ABCF3: variants seen among roughly 807,000 people sequenced by gnomAD.
ABCF3 encodes the protein ATP binding cassette subfamily F member 3.
ABCF3 carries 62 observed loss-of-function variants against 94.3 expected under a neutral mutation model. The ratio of observed to expected loss-of-function variants is 0.66; its 90% CI spans 0.54 to 0.81. ABCF3 has a LOEUF of 0.81. Ranked by LOEUF, ABCF3 falls within the 40% of genes least tolerant of loss-of-function variation. ABCF3 has a pLI of 0.00. For missense variants in ABCF3, 843 were observed against 925.3 expected (o/e 0.91, Z 1.15); for synonymous variants, 355 against 361.1 (o/e 0.98, Z 0.19).
chr3:184,187,532 A>T (rs1055312927), intron 4 of ABCF3, 89 bp downstream of exon 4: 6 of 1,544,202 alleles, frequency 3.9e-6, no homozygotes, highest in Non-Finnish European at 5.4e-6. Context: ...GGGATTTCTG[A>T]CTATGTCTTT....
intron 4 of ABCF3, 34 bp from the exon 5 acceptor site, chr3:184,187,630 C>A: frequency 6.2e-7 from 1 of 1,612,160 alleles, no homozygotes; most frequent in East Asian, 2.2e-5. Context: ...TGAGCCTACA[C>A]CCGAGAGTGA....
At chr3:184,186,356 G>T in intron 1 of ABCF3, 76 bp downstream of exon 1, 1 of 1,603,594 alleles carries the variant, frequency 6.2e-7, no homozygotes, top group Non-Finnish European at 8.5e-7. Context: ...CGTCGTGCCC[G>T]GGACTGTTGC....
At chr3:184,188,485 T>C in intron 7 of ABCF3, 78 bp downstream of exon 7, 1 of 1,526,322 alleles carries the variant, frequency 6.6e-7, no homozygotes, top group Non-Finnish European at 8.8e-7. Context: ...CAATCCATAA[T>C]TTGCATGTAC....
chr3:184,192,454 C>T lies in ABCF3; in HGVS notation c.1570-147C>T, dbSNP rs180727734. The T allele has an allele frequency of 1.5e-4, 117 of 759,000 alleles. No individual in the cohort carries two copies. In the African/African-American group the frequency reaches 1.8e-3, roughly 12 times the overall value. The allele number at this position is 759,000 out of a possible 1,614,324, so 47.0% of individuals were successfully genotyped here. ...GAACCCCTCTCTCAATTCCCCTCCT[C>T]CCCCCTTATCCTTCCCAGCCTCTAG... On this transcript the variant is annotated intron_variant, in intron 16 of 20. Coordinates refer to ENST00000429586, the MANE Select transcript of ABCF3 (RefSeq NM_018358.3).
chr3:184,189,260 ATCT>A lies in ABCF3; in HGVS notation c.1044_1046del (p.Leu351del), dbSNP rs1560134321. On this transcript the variant is annotated inframe_deletion, in exon 11 of 21. Transcript: ENST00000429586. The stretch of plus-strand genomic sequence containing the variant: ...CCATGTATTGTTTTTCATAGGCCAG[ATCT>A]TCTGCTGTTAGATGGTGAGTTTGAA... 1.2e-6 allele frequency: 2 copies of A among 1,614,102 alleles called. No individual in the cohort carries two copies. The highest frequency in any genetic ancestry group is 8.5e-7 in the Non-Finnish European group (1 of 1,180,018).
rs751740928 is a variant in ABCF3, at chr3:184,187,963, T to C, written c.549T>C (p.Phe183=). 4.3e-6 allele frequency: 7 copies of C among 1,614,020 alleles called. No homozygotes were observed. Among genetic ancestry groups the C allele is most frequent in the South Asian group, 2.2e-5 (2 of 91,086 alleles). ...CCTATGATGTGCGAATTGAGAACTT[T>C]GATGTGTCTTTTGGCGATAGGTGAG... ...NKSYDVRIEN[F]DVSFGDRVLL... is the part of the protein sequence containing the mutation. The change falls in exon 6 of 21, where the codon TTT becomes TTC. Residue 183 remains phenylalanine, a synonymous_variant. Transcript: ENST00000429586.
intron 7 of ABCF3, 174 bp downstream of exon 7, chr3:184,188,581 GTTC>G (rs1715801204): frequency 9.4e-7 from 1 of 1,061,522 alleles, no homozygotes; most frequent in Non-Finnish European, 1.3e-6. Context: ...GCCCTTTCTT[GTTC>G]TTTCCACAGT....
chr3:184,192,048 A>T (rs1332689926), intron 16 of ABCF3, among the ~76,000 whole-genome samples: 2 of 152,084 alleles, frequency 1.3e-5, no homozygotes, highest in African/African-American at 4.8e-5. Context: ...GCCCGGCTAG[A>T]GTCCTTAAAA....
At position 184,192,918 on chromosome 3, in the gene ABCF3, G is replaced by C. The variant is rs748003296; in HGVS notation, c.1750+22G>C. On this transcript the variant is annotated intron_variant, in intron 18 of 20. Coordinates refer to ENST00000429586, the MANE Select transcript of ABCF3 (RefSeq NM_018358.3). ...CCTGGTGAGTTAGGGATTTGAGTCG[G>C]GGGAAGAGTTTGAGTAGGGAAGAGG... 22 of 1,612,874 alleles carry C rather than the reference G, an allele frequency of 1.4e-5. No individual in the cohort carries two copies. In the Admixed American group the frequency reaches 3.3e-4, roughly 24 times the overall value.
In ABCF3 at chr3:184,188,817, T is replaced by C. The variant is rs1012414142; in HGVS notation, c.893T>C (p.Ile298Thr). The C allele has an allele frequency of 1.7e-5, 28 of 1,613,828 alleles. 1 individual carries two copies. Among genetic ancestry groups the C allele is most frequent in the Admixed American group, 8.3e-5 (5 of 59,998 alleles). ...LAEIYAKLEE[I>T]EADKAPARAS... ...GAAATCTATGCCAAACTGGAGGAGA[T>C]TGAGGCTGACAAGGCACCTGCCAGG... The change falls in exon 8 of 21, where the codon ATT (isoleucine) becomes ACT (threonine). Residue 298 changes from isoleucine to threonine, a missense_variant. Transcript: ENST00000429586.
In ABCF3 at chr3:184,192,872, G is replaced by T. The variant is rs1489696749; in HGVS notation, c.1726G>T (p.Glu576Ter). Residue 576 changes from glutamate to a stop codon, truncating the protein, a stop_gained, in exon 18 of 21, where the codon GAA becomes TAA. Coordinates refer to ENST00000429586, the MANE Select transcript of ABCF3 (RefSeq NM_018358.3). LOFTEE classifies it high-confidence loss of function. ...GCTGGACCTAAACGTCAGTGCTGTGGAACTGCTGGCACGCAAGTTTCCTGG... is the reference window on the plus strand; with the variant it reads ...GCTGGACCTAAACGTCAGTGCTGTGTAACTGCTGGCACGCAAGTTTCCTGG... Reference protein sequence around the residue: ...EQLDLNVSAVELLARKFPGRP... With the variant: ...EQLDLNVSAV 1.2e-6 allele frequency: 2 copies of T among 1,614,120 alleles called. No individual in the cohort carries two copies. Among genetic ancestry groups the T allele is most frequent in the Admixed American group, 3.3e-5 (2 of 60,028 alleles).
Position 184,192,916 on chromosome 3 carries a change from C to T in ABCF3, c.1750+20C>T, listed in dbSNP as rs746747836. On this transcript the variant is annotated intron_variant, in intron 18 of 20. Coordinates refer to ENST00000429586, the MANE Select transcript of ABCF3 (RefSeq NM_018358.3). Reference sequence around the variant, plus strand: ...TTCCTGGTGAGTTAGGGATTTGAGTCGGGGGAAGAGTTTGAGTAGGGAAGA... The same window carrying T: ...TTCCTGGTGAGTTAGGGATTTGAGTTGGGGGAAGAGTTTGAGTAGGGAAGA... 9.3e-6 allele frequency: 15 copies of T among 1,612,594 alleles called. No homozygotes were observed. The highest frequency in any genetic ancestry group is 5.3e-5 in the African/African-American group (4 of 74,858).
Position 184,193,746 on chromosome 3 carries a change from C to T in ABCF3, c.*48C>T, listed in dbSNP as rs2109048059. The T allele has an allele frequency of 6.6e-7, 1 of 1,516,260 alleles. No homozygotes were observed. Among genetic ancestry groups the T allele is most frequent in the Non-Finnish European group, 8.9e-7 (1 of 1,129,052 alleles). The allele number at this position is 1,516,260 out of a possible 1,614,324, so 93.9% of individuals were successfully genotyped here. A position where few individuals can be genotyped will look rare whatever the true frequency, so the allele number is the denominator to read the frequency against. Reference sequence around the variant, plus strand: ...CCAGGACATGGACTGGTCTCTCAGACCCCTGGGCCACCATGTAGGCCACCA... The same window carrying T: ...CCAGGACATGGACTGGTCTCTCAGATCCCTGGGCCACCATGTAGGCCACCA... On this transcript the variant is annotated 3_prime_UTR_variant, in exon 21 of 21. Coordinates refer to ENST00000429586, the MANE Select transcript of ABCF3 (RefSeq NM_018358.3). This position sits in a 1 kb window ranked among gnomAD's most constrained non-coding sequence, Gnocchi z 5.2.
At chr3:184,190,001 C>T in intron 14 of ABCF3, 70 bp downstream of exon 14, 1 of 1,522,968 alleles carries the variant, frequency 6.6e-7, no homozygotes, top group Admixed American at 1.7e-5. Flanking sequence ...TGCACGCCAC[C>T]CTTGCCCTAC....
In ABCF3 at chr3:184,193,923, T is replaced by C; in HGVS notation, c.*225T>C. On this transcript the variant is annotated 3_prime_UTR_variant, in exon 21 of 21. Coordinates refer to ENST00000429586, the MANE Select transcript of ABCF3 (RefSeq NM_018358.3). The surrounding 1 kb of genome is among the most constrained non-coding windows in gnomAD (Gnocchi z 5.2). ...GGGGGTGGGGGTCTGGGGGGTACCCTCTGGGGTTATAGATTCCCCCACTGC... is the reference window on the plus strand; with the variant it reads ...GGGGGTGGGGGTCTGGGGGGTACCCCCTGGGGTTATAGATTCCCCCACTGC... The C allele has an allele frequency of 1.8e-6, 1 of 558,926 alleles. No homozygotes were observed. Among genetic ancestry groups the C allele is most frequent in the Non-Finnish European group, 3.1e-6 (1 of 325,420 alleles). 34.6% of individuals were successfully genotyped at this position (558,926 alleles called of 1,614,324 possible).
Position 184,193,674 on chromosome 3 carries a change from G to C in ABCF3, c.2106G>C (p.Gln702His). The change falls in exon 21 of 21, where the codon CAG becomes CAC. Residue 702 changes from glutamine to histidine, a missense_variant. By Grantham distance (24) the Gln-to-His change is conservative. Coordinates refer to ENST00000429586, the MANE Select transcript of ABCF3 (RefSeq NM_018358.3). This position sits in a 1 kb window ranked among gnomAD's most constrained non-coding sequence, Gnocchi z 5.2. ...FDQYRALLQE[Q>H]FRREGFL ...AGTACCGCGCCCTCCTCCAGGAACA[G>C]TTCCGCCGCGAAGGCTTCCTCTAGG... is the stretch of plus-strand genomic sequence containing the variant. 1 of 1,613,254 alleles carries C rather than the reference G, an allele frequency of 6.2e-7. No homozygotes were observed. Among genetic ancestry groups the C allele is most frequent in the Non-Finnish European group, 8.5e-7 (1 of 1,179,474 alleles).
intron 9 of ABCF3, 32 bp from the exon 10 acceptor site, chr3:184,189,055 AC>A (rs1560134159): frequency 1.2e-6 from 2 of 1,613,928 alleles, no homozygotes; most frequent in Non-Finnish European, 1.7e-6. Context: ...CCTGATGAAC[AC>A]CCACCCATAA....
Position 184,189,580 on chromosome 3 carries a change from C to T in ABCF3, c.1137C>T (p.Val379=), listed in dbSNP as rs367881517. Residue 379 remains valine, a synonymous_variant, in exon 13 of 21, where the codon GTC becomes GTT. Coordinates refer to ENST00000429586, the MANE Select transcript of ABCF3 (RefSeq NM_018358.3). ...AGACGTGGCCCTCCACCATCCTAGT[C>T]GTCTCCCACGACCGCAACTTCTTGA... The part of the protein sequence containing the change: ...YLQTWPSTIL[V]VSHDRNFLNA... The T allele has an allele frequency of 6.2e-6, 10 of 1,614,150 alleles. No individual in the cohort carries two copies. The East Asian group carries it at 1.8e-4, about 29-fold the overall frequency.
chr3:184,188,634 A>G (rs945492847), intron 7 of ABCF3, 127 bp from the exon 8 acceptor site: 11 of 1,105,686 alleles, frequency 9.9e-6, no homozygotes, highest in East Asian at 5.1e-5. Context: ...GCACTGTGCA[A>G]ACCCTTCCTG....
Sources: allele counts gnomAD v4.1 joint callset (sites outside exome capture counted in the v4.1 genomes callset), GRCh38; gene constraint gnomAD v4.1.1; non-coding constraint Gnocchi (gnomAD v3.1); transcripts MANE v1.5; gene names NCBI Gene and HGNC (gene_info 2026-07-23, HGNC 2026-07-21).